The following FBLN2 variants were observed in gnomAD, a reference collection of about 807,000 sequenced individuals.
The protein encoded by FBLN2 is fibulin 2.
FBLN2 carries 81 observed loss-of-function variants against 123.7 expected under a neutral mutation model. That is an observed-to-expected ratio of 0.65 (90% CI 0.55 to 0.79). The LOEUF (loss-of-function observed/expected upper bound fraction) is 0.79. FBLN2 is among the 30% of genes least tolerant of loss of function. The pLI is 0.00. For missense variants in FBLN2, 1,603 were observed against 1,681.3 expected (o/e 0.95, Z 0.81); for synonymous variants, 699 against 701.4 (o/e 1.00, Z 0.05).
intron 14 of FBLN2, 96 bp from the exon 15 acceptor site, chr3:13,630,603 G>A (rs1461359356): frequency 3.6e-5 from 36 of 1,010,832 alleles, no homozygotes; most frequent in South Asian, 1.5e-4. Flanking sequence ...AGTCCAGGCC[G>A]GGGAGCTTGG....
At chr3:13,634,879 T>C (rs918860935) in intron 16 of FBLN2, among the ~76,000 whole-genome samples, 37 of 152,272 alleles carry the variant, frequency 2.4e-4, no homozygotes, top group Non-Finnish European at 4.6e-4. Context: ...CCCCGTGGGG[T>C]TGGCGTGGGT....
At chr3:13,564,253 C>T (rs1161046425) in intron 1 of FBLN2, among the ~76,000 whole-genome samples, 4 of 152,190 alleles carry the variant, frequency 2.6e-5, no homozygotes, top group African/African-American at 9.6e-5. Flanking sequence ...CCAGGTGGTA[C>T]TGATTATGGG....
chr3:13,631,570 A>C, intron 16 of FBLN2, 113 bp downstream of exon 16: 3 of 1,295,698 alleles, frequency 2.3e-6, no homozygotes, highest in Non-Finnish European at 3.1e-6. Flanking sequence ...ACACCCAGTG[A>C]ATAAATGCAG....
Position 13,571,119 on chromosome 3 carries a change from C to T in FBLN2, c.764C>T (p.Thr255Ile). The T allele has an allele frequency of 6.4e-7, 1 of 1,552,316 alleles. No homozygotes were observed. Among genetic ancestry groups the T allele is most frequent in the Non-Finnish European group, 8.7e-7 (1 of 1,148,248 alleles). ...TGGCCAGCTGTCCTCCCCAGGCCCA[C>T]AGCGGCTGCTGCCCTGGGTCCCCCA... ...PPWPAVLPRP[T>I]AAAALGPPAP... The change falls in exon 2 of 18, where the codon ACA (threonine) becomes ATA (isoleucine). Residue 255 changes from threonine to isoleucine, a missense_variant. Physicochemically the swap from Thr to Ile is moderately conservative, Grantham distance 89. Coordinates refer to ENST00000404922, the MANE Select transcript of FBLN2 (RefSeq NM_001004019.2).
intron 1 of FBLN2, among the ~76,000 whole-genome samples, chr3:13,558,772 TCCATCCACCCATCCACCCACCCAC>T (rs1397072354): frequency 1.5e-4 from 1 of 6,830 alleles, no homozygotes; most frequent in African/African-American, 5.1e-4. Context: ...CATCCATCCA[TCCATCCACCCATCCACCCACCCAC>T]CCACCCACCC....
Position 13,608,135 on chromosome 3 carries a change from G to A in FBLN2, c.1380G>A (p.Leu460=), listed in dbSNP as rs1381779403. 1.3e-6 allele frequency: 2 copies of A among 1,597,284 alleles called. No individual in the cohort carries two copies. Among genetic ancestry groups the A allele is most frequent in the African/African-American group, 2.7e-5 (2 of 74,590 alleles). ...GGGCCATTGACAATGACGAGTGCCT[G>A]GAGATCCCTGAGAGTGGCACTGAGG... The part of the protein sequence containing the change: ...QQWAIDNDEC[L]EIPESGTEDN... Residue 460 remains leucine, a synonymous_variant, in exon 3 of 18, where the codon CTG becomes CTA. Transcript: ENST00000404922.
Position 13,618,955 on chromosome 3 carries a change from A to G in FBLN2, c.1991A>G (p.Glu664Gly), listed in dbSNP as rs774714767. 1 of 1,613,356 alleles carries G rather than the reference A, an allele frequency of 6.2e-7. No individual in the cohort carries two copies. The highest frequency in any genetic ancestry group is 2.2e-5 in the East Asian group (1 of 44,886). ...EAPQEPALKS[E>G]FSQVASNTIP... is the part of the protein sequence containing the mutation. ...CCACAGGAGCCTGCACTGAAGTCAG[A>G]ATTTTCCCAGGTGGCCTCTAACACC... is the stretch of plus-strand genomic sequence containing the variant. The change falls in exon 7 of 18, where the codon GAA (glutamate) becomes GGA (glycine). Residue 664 changes from glutamate (E) to glycine (G), a missense_variant. Glu to Gly is a moderately conservative substitution (Grantham distance 98, BLOSUM62 -2). Transcript: ENST00000404922.
chr3:13,593,539 C>A (rs13318407), intron 2 of FBLN2, among the ~76,000 whole-genome samples: 2 of 151,784 alleles, frequency 1.3e-5, no homozygotes, highest in African/African-American at 4.9e-5. Flanking sequence ...CATGGTGAAA[C>A]CCCGTCTCTA....
At chr3:13,581,537 T>C (rs575461144) in intron 2 of FBLN2, among the ~76,000 whole-genome samples, 1 of 152,210 alleles carries the variant, frequency 6.6e-6, no homozygotes. Context: ...CCACAGACTC[T>C]TGCACCTGGG....
In FBLN2 at chr3:13,612,356, TTCTG is replaced by T. The variant is rs1367816597; in HGVS notation, c.1549-1616_1549-1613del. Among the ~76,000 whole-genome samples the T allele has an allele frequency of 5.1e-5, 6 of 116,514 alleles. No homozygotes were observed. In the South Asian group the frequency reaches 7.7e-4, roughly 15 times the overall value. The allele number at this position is 116,514 out of a possible 152,430, so 76.4% of individuals were successfully genotyped here. On this transcript the variant is annotated intron_variant, in intron 4 of 17. Coordinates refer to ENST00000404922, the MANE Select transcript of FBLN2 (RefSeq NM_001004019.2). Reference sequence around the variant, plus strand: ...CTTTCTTTCTTTTCTTTCTTTTTCTTTCTGTCTGTCTGTCTCTCTGTCTGTCTGT... The same window carrying T: ...CTTTCTTTCTTTTCTTTCTTTTTCTTTCTGTCTGTCTCTCTGTCTGTCTGT...
intron 4 of FBLN2, among the ~76,000 whole-genome samples, chr3:13,610,019 T>C (rs1186641627): frequency 6.6e-6 from 1 of 152,026 alleles, no homozygotes. Context: ...GGAGAAAAAC[T>C]TAAGGAGAGG....
chr3:13,609,609 G>A lies in FBLN2; in HGVS notation c.1515G>A (p.Glu505=), dbSNP rs1705321389. ...AGGAGGGTGAGACCTGTGGGGCTGAGGACAACGACAGCTGCGGCATCTCCC... is the reference window on the plus strand; with the variant it reads ...AGGAGGGTGAGACCTGTGGGGCTGAAGACAACGACAGCTGCGGCATCTCCC... ...GAKEGETCGA[E]DNDSCGISLY... The change falls in exon 4 of 18, where the codon GAG becomes GAA. Residue 505 remains glutamate, a synonymous_variant. Transcript: ENST00000404922. The A allele has an allele frequency of 2.1e-6, 3 of 1,446,956 alleles. No homozygotes were observed. The highest frequency in any genetic ancestry group is 4.0e-5 in the Admixed American group (2 of 49,810). 89.6% of individuals were successfully genotyped at this position (1,446,956 alleles called of 1,614,324 possible).
intron 5 of FBLN2, 96 bp downstream of exon 5, chr3:13,614,260 T>G: frequency 8.1e-7 from 1 of 1,235,016 alleles, no homozygotes; most frequent in South Asian, 1.5e-5. Flanking sequence ...CACCTGTGGC[T>G]TGAGACACAA....
chr3:13,618,831 C>A, intron 6 of FBLN2, 73 bp from the exon 7 acceptor site: 2 of 1,052,354 alleles, frequency 1.9e-6, no homozygotes, highest in South Asian at 1.4e-5. Flanking sequence ...AGGGCAGGTG[C>A]CTGGAAGTGC....
In FBLN2 at chr3:13,571,036, C is replaced by T. The variant is rs1308047505; in HGVS notation, c.681C>T (p.Gly227=). The part of the protein sequence containing the change: ...QAGAVQAGAG[G]PPAALGGGSQ... ...GTGCAGTCCAGGCAGGCGCAGGGGGCCCCCCAGCTGCTCTGGGAGGTGGGA... is the reference window on the plus strand; with the variant it reads ...GTGCAGTCCAGGCAGGCGCAGGGGGTCCCCCAGCTGCTCTGGGAGGTGGGA... The change falls in exon 2 of 18, where the codon GGC becomes GGT. Residue 227 remains glycine, a synonymous_variant. Transcript: ENST00000404922. 6.4e-7 allele frequency: 1 copy of T among 1,570,312 alleles called. No homozygotes were observed. The highest frequency in any genetic ancestry group is 1.9e-5 in the Admixed American group (1 of 52,850).
At chr3:13,580,469 TG>T (rs1465409299) in intron 2 of FBLN2, among the ~76,000 whole-genome samples, 1 of 152,136 alleles carries the variant, frequency 6.6e-6, no homozygotes, top group Non-Finnish European at 1.5e-5. Context: ...CTGCCAGTCG[TG>T]GGGTGGGGAT....
chr3:13,609,483 C>A, intron 3 of FBLN2, 30 bp from the exon 4 acceptor site: 2 of 1,520,790 alleles, frequency 1.3e-6, no homozygotes, highest in Non-Finnish European at 1.8e-6. Flanking sequence ...AGGTGGGCGA[C>A]TGGGGGCTAA....
At chr3:13,562,546 G>A (rs1399969046) in intron 1 of FBLN2, among the ~76,000 whole-genome samples, 1 of 151,912 alleles carries the variant, frequency 6.6e-6, no homozygotes, top group Non-Finnish European at 1.5e-5. Flanking sequence ...TAATAGAGAT[G>A]GCGTTTCACC....
intron 2 of FBLN2, among the ~76,000 whole-genome samples, chr3:13,600,959 T>C (rs1217147267): frequency 6.6e-6 from 1 of 152,178 alleles, no homozygotes; most frequent in Non-Finnish European, 1.5e-5. Context: ...AATTGTGACG[T>C]GTATGTGATT....
Sources: gnomAD v4.1 joint callset for allele counts (sites outside exome capture counted in the v4.1 genomes callset) on GRCh38, gnomAD v4.1.1 for gene constraint, MANE v1.5 for transcripts, NCBI Gene and HGNC (gene_info 2026-07-23, HGNC 2026-07-21) for gene names.